SMURF1: variants seen among roughly 807,000 people sequenced by gnomAD.
The protein encoded by SMURF1 is SMAD specific E3 ubiquitin protein ligase 1.
A neutral mutation model predicts 98.0 loss-of-function variants in SMURF1; 44 were observed. The ratio of observed to expected loss-of-function variants is 0.45; its 90% CI spans 0.35 to 0.58. The LOEUF (loss-of-function observed/expected upper bound fraction) is 0.58, where lower values mean the gene tolerates loss of function less well. Ranked by LOEUF, SMURF1 falls within the 20% of genes least tolerant of loss-of-function variation. The probability of loss-of-function intolerance (pLI) is 0.00; values close to 1 mark genes in which losing one functional copy is unlikely to be tolerated. For missense variants in SMURF1, 687 were observed against 938.4 expected (o/e 0.73, Z 3.50); for synonymous variants, 396 against 374.9 (o/e 1.06, Z -0.65).
At chr7:99,035,373 C>G (rs1584441388) in intron 16 of SMURF1, 142 bp downstream of exon 16, 2 of 1,049,476 alleles carry the variant, frequency 1.9e-6, no homozygotes, top group Non-Finnish European at 1.4e-6. Flanking sequence ...CTCTGTAGGG[C>G]AGAGCATTAG....
intron 1 of SMURF1, among the ~76,000 whole-genome samples, chr7:99,129,306 A>G (rs1190146016): frequency 1.3e-5 from 2 of 152,242 alleles, no homozygotes; most frequent in Non-Finnish European, 2.9e-5. Flanking sequence ...CACATATTGA[A>G]CACATTATGT....
intron 1 of SMURF1, among the ~76,000 whole-genome samples, chr7:99,094,481 G>A (rs1563025917): frequency 2.0e-5 from 3 of 152,062 alleles, no homozygotes; most frequent in Non-Finnish European, 4.4e-5. Flanking sequence ...CAGTACAAAA[G>A]GGAATTCAAC....
At chr7:99,064,389 C>G (rs944450427) in intron 1 of SMURF1, among the ~76,000 whole-genome samples, 22 of 152,208 alleles carry the variant, frequency 1.4e-4, no homozygotes, top group Admixed American at 3.3e-4. Context: ...GTGATGGCCT[C>G]TAGGCCTGGG....
intron 13 of SMURF1, among the ~76,000 whole-genome samples, chr7:99,039,280 C>G (rs1211439856): frequency 1.3e-5 from 2 of 151,190 alleles, no homozygotes; most frequent in Admixed American, 6.6e-5. Flanking sequence ...CAAAAGTACT[C>G]GAAAGTGAAA....
At chr7:99,107,332 C>A (rs1462530454) in intron 1 of SMURF1, among the ~76,000 whole-genome samples, 1 of 152,110 alleles carries the variant, frequency 6.6e-6, no homozygotes, top group African/African-American at 2.4e-5. Flanking sequence ...CTCCATTCTC[C>A]ACAATGTGCT....
intron 9 of SMURF1, chr7:99,049,105 AAAG>A (rs1242994690): frequency 2.4e-4 from 38 of 155,500 alleles, no homozygotes; most frequent in Non-Finnish European, 3.1e-4. Context: ...AAAAAAAAAA[AAAG>A]AGCTATGTGG....
At chr7:99,090,823 C>T (rs913586666) in intron 1 of SMURF1, among the ~76,000 whole-genome samples, 7 of 152,156 alleles carry the variant, frequency 4.6e-5, no homozygotes, top group Non-Finnish European at 1.0e-4. Flanking sequence ...ACTTTCACTG[C>T]CCTGCCCACA....
intron 1 of SMURF1, among the ~76,000 whole-genome samples, chr7:99,128,970 G>A (rs560437047): frequency 1.3e-5 from 2 of 152,250 alleles, no homozygotes; most frequent in African/African-American, 2.4e-5. Context: ...GTTGCAACAC[G>A]AGGCCAAATT....
At chr7:99,040,184 G>A (rs903818698) in intron 13 of SMURF1, among the ~76,000 whole-genome samples, 194 bp downstream of exon 13, 8 of 152,014 alleles carry the variant, frequency 5.3e-5, no homozygotes, top group Non-Finnish European at 7.4e-5. Flanking sequence ...GGCTGGTGTC[G>A]AACTCCTGGA....
intron 1 of SMURF1, among the ~76,000 whole-genome samples, chr7:99,124,810 CT>C (rs1675897924): frequency 6.6e-6 from 1 of 152,164 alleles, no homozygotes; most frequent in South Asian, 2.1e-4. Flanking sequence ...GCCAACTAAA[CT>C]TCCCTCTGAA....
chr7:99,134,210 C>T (rs1797936028), intron 1 of SMURF1, among the ~76,000 whole-genome samples: 1 of 149,968 alleles, frequency 6.7e-6, no homozygotes, highest in African/African-American at 2.5e-5. Context: ...TACTCCTGAG[C>T]AATTTGTTTA....
intron 1 of SMURF1, among the ~76,000 whole-genome samples, chr7:99,114,128 T>A (rs1797389476): frequency 1.3e-5 from 2 of 151,928 alleles, no homozygotes; most frequent in Non-Finnish European, 2.9e-5. Flanking sequence ...TGAAACTAAG[T>A]TGGTATTAAG....
At chr7:99,035,105 T>G (rs191610547) in intron 16 of SMURF1, among the ~76,000 whole-genome samples, 15 of 152,342 alleles carry the variant, frequency 9.8e-5, no homozygotes, top group African/African-American at 3.4e-4. Context: ...TCTTTCGGTG[T>G]GGTTGGTGGC....
In SMURF1 at chr7:99,047,771, C is replaced by T; in HGVS notation, c.1065G>A (p.Lys355=). ...AQRYERDLVQ[K]LKVLRHELSL... The stretch of plus-strand genomic sequence containing the variant: ...ACAGTTCGTGTCTGAGGACTTTCAG[C>T]TTCTGGACTAGATCTCTTTCGTATC... The change falls in exon 10 of 18, where the codon AAG becomes AAA. Residue 355 remains lysine (K), a synonymous_variant. Coordinates refer to ENST00000361368, the MANE Select transcript of SMURF1 (RefSeq NM_181349.3). 1 of 1,614,244 alleles carries T rather than the reference C, an allele frequency of 6.2e-7. No individual in the cohort carries two copies. The highest frequency in any genetic ancestry group is 8.5e-7 in the Non-Finnish European group (1 of 1,180,050).
intron 1 of SMURF1, among the ~76,000 whole-genome samples, chr7:99,068,749 C>T (rs1196352946): frequency 6.6e-6 from 1 of 152,190 alleles, no homozygotes; most frequent in Non-Finnish European, 1.5e-5. Flanking sequence ...TCCCTAACAA[C>T]ACATTTATTC....
chr7:99,039,244 C>G (rs1264941259), intron 13 of SMURF1, among the ~76,000 whole-genome samples: 1 of 151,448 alleles, frequency 6.6e-6, no homozygotes, highest in Non-Finnish European at 1.5e-5. Context: ...TTAGAGGCAG[C>G]CTTCCCAAAG....
chr7:99,062,919 G>A (rs975217602), intron 1 of SMURF1, among the ~76,000 whole-genome samples: 2 of 151,908 alleles, frequency 1.3e-5, no homozygotes, highest in African/African-American at 4.8e-5. Context: ...TTTTATTAAT[G>A]AGTAATGAGG....
intron 1 of SMURF1, among the ~76,000 whole-genome samples, chr7:99,066,795 A>AG (rs201463047): frequency 3.3e-5 from 5 of 151,690 alleles, no homozygotes; most frequent in Admixed American, 1.3e-4. Context: ...AAAAAAAAAA[A>AG]AAAAGAAAAG....
chr7:99,123,084 G>A (rs1044889622), intron 1 of SMURF1, among the ~76,000 whole-genome samples: 2 of 142,072 alleles, frequency 1.4e-5, no homozygotes, highest in Admixed American at 7.4e-5. Context: ...CCAAACTTCC[G>A]GAATTCACTG....
Sources: allele counts gnomAD v4.1 joint callset (sites outside exome capture counted in the v4.1 genomes callset), GRCh38; gene constraint gnomAD v4.1.1; transcripts MANE v1.5; gene names NCBI Gene and HGNC (gene_info 2026-07-23, HGNC 2026-07-21).